The following FRMPD4 variants were observed in gnomAD, a reference collection of about 807,000 sequenced individuals.
FRMPD4 encodes the protein FERM and PDZ domain containing 4.
In FRMPD4, 22 loss-of-function variants were observed where a neutral mutation model predicts 94.1. The ratio of observed to expected loss-of-function variants is 0.23; its 90% confidence interval spans 0.17 to 0.33. FRMPD4 has a LOEUF of 0.33. Among genes scored for constraint, FRMPD4 ranks in the 10% least tolerant of loss-of-function variants. The pLI is 1.00. For synonymous variants in FRMPD4, 631 were observed against 548.6 expected, an observed-to-expected ratio of 1.15 and a Z score of -2.10; for missense variants, 1,111 against 1,339.9, an observed-to-expected ratio of 0.83 and a Z score of 2.67.
chrX:12,558,912 T>C (rs1179782278), intron 2 of FRMPD4, among the ~76,000 whole-genome samples: 1 of 112,027 alleles, frequency 8.9e-6, no homozygotes, highest in Non-Finnish European at 1.9e-5. Flanking sequence ...TGCTGTCCCT[T>C]AAAATAAGAA....
In FRMPD4 at chrX:12,350,893, T is replaced by G. The variant is rs189754634; in HGVS notation, c.42-147787T>G. Among the ~76,000 whole-genome samples, 749 of 112,533 alleles carry G rather than the reference T, an allele frequency of 6.7e-3. 3 individuals carry two copies. Among genetic ancestry groups the G allele is most frequent in the Non-Finnish European group, 0.011 (563 of 53,228 alleles). The stretch of plus-strand genomic sequence containing the variant: ...GTGCTTGCCTATAATGTGTGATTAT[T>G]GGCCGGGCACAGTGGCTCACGCCTG... On this transcript the variant is annotated intron_variant, in intron 1 of 16. Coordinates refer to ENST00000675598, the MANE Select transcript of FRMPD4 (RefSeq NM_001368397.1).
At chrX:11,891,249 A>G (rs1010425445) in intron 3 of FRMPD4, among the ~76,000 whole-genome samples, 31 of 112,540 alleles carry the variant, frequency 2.8e-4, no homozygotes, top group African/African-American at 9.7e-4. Flanking sequence ...TGGGGGAGCC[A>G]TGGGAAGGAG....
intron 2 of FRMPD4, among the ~76,000 whole-genome samples, chrX:12,547,253 C>T (rs1439244327): frequency 1.8e-5 from 2 of 110,768 alleles, no homozygotes. Flanking sequence ...GTCAAGTAAT[C>T]GGCCGAAGGA....
At chrX:12,465,865 AC>A (rs2057443784) in intron 1 of FRMPD4, among the ~76,000 whole-genome samples, 1 of 112,157 alleles carries the variant, frequency 8.9e-6, no homozygotes, top group African/African-American at 3.2e-5. Flanking sequence ...GTAATCTGCC[AC>A]ATCTATTTGG....
chrX:12,028,986 G>C (rs2054676657), intron 3 of FRMPD4, among the ~76,000 whole-genome samples: 1 of 112,023 alleles, frequency 8.9e-6, no homozygotes. Flanking sequence ...AACTCCTTTG[G>C]GAAAGTACCA....
At chrX:12,491,207 G>A (rs749803736) in intron 1 of FRMPD4, among the ~76,000 whole-genome samples, 22 of 110,358 alleles carry the variant, frequency 2.0e-4, no homozygotes, top group African/African-American at 7.3e-4. Context: ...TCCTAAGTAT[G>A]AAAGTAATAT....
chrX:12,604,501 G>T (rs1007038023), intron 2 of FRMPD4, among the ~76,000 whole-genome samples: 4 of 111,937 alleles, frequency 3.6e-5, no homozygotes, highest in Non-Finnish European at 5.6e-5. Flanking sequence ...CAGAGCTTAC[G>T]TAGGATTTGT....
At chrX:11,983,215 G>A (rs5933944) in intron 3 of FRMPD4, among the ~76,000 whole-genome samples, 15,358 of 111,494 alleles carry the variant, frequency 0.14, 1,048 homozygotes, top group African/African-American at 0.25. Flanking sequence ...CTAACACTAA[G>A]GTCTAGATAG....
At chrX:12,324,752 TTTTC>T (rs2055259933) in intron 1 of FRMPD4, among the ~76,000 whole-genome samples, 1 of 109,898 alleles carries the variant, frequency 9.1e-6, no homozygotes. Context: ...ATGAATTACC[TTTTC>T]TTTAGTCAAT....
intron 3 of FRMPD4, among the ~76,000 whole-genome samples, chrX:12,097,637 C>T (rs1036285123): frequency 1.8e-5 from 2 of 112,222 alleles, no homozygotes; most frequent in Admixed American, 9.4e-5. Flanking sequence ...CGATTCTGAA[C>T]ATTTTATGTA....
At chrX:12,653,831 G>A (rs2059623597) in intron 4 of FRMPD4, among the ~76,000 whole-genome samples, 1 of 111,597 alleles carries the variant, frequency 9.0e-6, no homozygotes, top group South Asian at 3.7e-4. Flanking sequence ...GCAATGGCAC[G>A]ATCTCGGCTC....
At chrX:12,182,243 A>C in intron 1 of FRMPD4, among the ~76,000 whole-genome samples, 1 of 111,970 alleles carries the variant, frequency 8.9e-6, no homozygotes, top group East Asian at 2.8e-4. Flanking sequence ...GAAGTGACTA[A>C]AGGTAAGAAA....
At chrX:12,020,657 T>C (rs1357884484) in intron 3 of FRMPD4, among the ~76,000 whole-genome samples, 3 of 112,124 alleles carry the variant, frequency 2.7e-5, no homozygotes, top group Non-Finnish European at 5.6e-5. Flanking sequence ...TACATATGTA[T>C]GTGTCCAGGA....
intron 1 of FRMPD4, among the ~76,000 whole-genome samples, chrX:12,142,002 C>T (rs1228776294): frequency 1.8e-5 from 2 of 111,446 alleles, no homozygotes; most frequent in East Asian, 5.6e-4. Context: ...CCCCTTTTGC[C>T]AGAGGGAGAT....
chrX:12,544,435 T>G (rs1047213580), intron 2 of FRMPD4, among the ~76,000 whole-genome samples: 7 of 111,815 alleles, frequency 6.3e-5, no homozygotes, highest in Non-Finnish European at 1.3e-4. Context: ...ACCCCAAGTT[T>G]GTGCAGATGC....
chrX:11,841,446 G>C (rs1466693007), intron 1 of FRMPD4, among the ~76,000 whole-genome samples: 1 of 107,125 alleles, frequency 9.3e-6, no homozygotes, highest in Non-Finnish European at 1.9e-5. Context: ...GTTCTAACTG[G>C]TGTGAGATGG....
chrX:12,024,340 T>C (rs1375663513), intron 3 of FRMPD4, among the ~76,000 whole-genome samples: 2 of 112,147 alleles, frequency 1.8e-5, no homozygotes, highest in African/African-American at 6.5e-5. Context: ...TATATACCAT[T>C]GTACAGATGA....
chrX:12,303,980 G>A (rs1213008510), intron 1 of FRMPD4, among the ~76,000 whole-genome samples: 1 of 112,326 alleles, frequency 8.9e-6, no homozygotes, highest in Non-Finnish European at 1.9e-5. Context: ...AGACTGTACA[G>A]TCCTGAGCTG....
At chrX:12,082,796 A>G (rs1380899201) in intron 3 of FRMPD4, among the ~76,000 whole-genome samples, 1 of 111,894 alleles carries the variant, frequency 8.9e-6, no homozygotes, top group Admixed American at 9.5e-5. Flanking sequence ...ATGTTTTAGC[A>G]AAGAGACTAG....
Sources: allele counts gnomAD v4.1 joint callset (sites outside exome capture counted in the v4.1 genomes callset), GRCh38; gene constraint gnomAD v4.1.1; transcripts MANE v1.5; gene names NCBI Gene and HGNC (gene_info 2026-07-23, HGNC 2026-07-21).